Variants in PSD3 observed in about 807,000 individuals in gnomAD.
The protein encoded by PSD3 is pleckstrin and Sec7 domain containing 3.
Under a neutral mutation model 105.5 loss-of-function variants are expected in PSD3, and 49 were observed. The observed-to-expected ratio is 0.46, with a 90% CI of 0.37 to 0.59. The LOEUF is 0.59. Among genes scored for constraint, PSD3 ranks in the 20% least tolerant of loss-of-function variants. PSD3 has a pLI of 0.00. For synonymous variants in PSD3, 557 were observed against 457.8 expected, an observed-to-expected ratio of 1.22 and a Z score of -2.77; for missense variants, 1,561 against 1,263.8, an observed-to-expected ratio of 1.24 and a Z score of -3.57.
intron 2 of PSD3, among the ~76,000 whole-genome samples, chr8:18,905,847 T>C (rs2555619): frequency 0.6 from 91,954 of 152,004 alleles, 28,173 homozygotes; most frequent in African/African-American, 0.68. Context: ...TACCACTCCC[T>C]ATACTTACTA....
At chr8:18,635,506 G>A (rs1807187624) in intron 10 of PSD3, among the ~76,000 whole-genome samples, 1 of 151,988 alleles carries the variant, frequency 6.6e-6, no homozygotes, top group Non-Finnish European at 1.5e-5. Flanking sequence ...GCTTTTCAGT[G>A]TTAGAGTATC....
In PSD3 at chr8:18,804,908, T is replaced by C. The variant is rs759674374; in HGVS notation, c.1635-10A>G. 1.1e-5 allele frequency: 18 copies of C among 1,568,004 alleles called. No individual in the cohort carries two copies. The Admixed American group carries it at 3.0e-4, about 26-fold the overall frequency. On this transcript the variant is annotated splice_polypyrimidine_tract_variant and intron_variant, in intron 4 of 15. Transcript: ENST00000327040. ...TTTCACCCCAGCATTGCTATGATAA[T>C]TGATAAAGAGAGAAAATAATAGATT...
intron 12 of PSD3, among the ~76,000 whole-genome samples, chr8:18,589,318 G>C (rs919812040): frequency 1.3e-5 from 2 of 152,154 alleles, no homozygotes; most frequent in African/African-American, 2.4e-5. Flanking sequence ...TTTCTCCCTT[G>C]TCATGACCCT....
At position 18,999,285 on chromosome 8, in the gene PSD3, C is replaced by A. The variant is rs1826244284; in HGVS notation, c.21+14278G>T. The stretch of plus-strand genomic sequence containing the variant: ...CTCCAGGATGTCTCACAAGGTGACA[C>A]AAGTTACCCGGGAAGACATGCTGGC... On this transcript the variant is annotated intron_variant, in intron 1 of 15. Coordinates refer to ENST00000327040, the MANE Select transcript of PSD3 (RefSeq NM_015310.4). Among the ~76,000 whole-genome samples, 3 of 151,912 alleles carry A rather than the reference C, an allele frequency of 2.0e-5. No homozygotes were observed. In the South Asian group the frequency reaches 6.3e-4, roughly 32 times the overall value.
chr8:19,002,308 G>A (rs574423963), intron 1 of PSD3, among the ~76,000 whole-genome samples: 2 of 151,958 alleles, frequency 1.3e-5, no homozygotes, highest in East Asian at 3.9e-4. Context: ...GTGAGTTGCT[G>A]GTGTTCTAGG....
At chr8:18,809,286 G>T (rs1248357763) in intron 4 of PSD3, among the ~76,000 whole-genome samples, 1 of 152,132 alleles carries the variant, frequency 6.6e-6, no homozygotes, top group Non-Finnish European at 1.5e-5. Context: ...ACTTAAATGT[G>T]TAAGAGACTT....
intron 2 of PSD3, among the ~76,000 whole-genome samples, chr8:18,910,283 T>C (rs1338284657): frequency 2.1e-5 from 3 of 144,038 alleles, no homozygotes; most frequent in East Asian, 4.0e-4. Context: ...GTGGCACATA[T>C]ACACCATGGA....
chr8:18,540,334 GT>G (rs1308580616), intron 15 of PSD3, among the ~76,000 whole-genome samples: 1 of 152,080 alleles, frequency 6.6e-6, no homozygotes, highest in Non-Finnish European at 1.5e-5. Context: ...TGGGTGACTT[GT>G]TTTATTGTGA....
chr8:19,020,178 C>A (rs1827319348), intron 1 of PSD3, among the ~76,000 whole-genome samples: 1 of 152,060 alleles, frequency 6.6e-6, no homozygotes, highest in African/African-American at 2.4e-5. Flanking sequence ...CCTCATGGAG[C>A]TTGGGAAGAC....
chr8:18,978,634 G>C (rs1350084326), intron 1 of PSD3, among the ~76,000 whole-genome samples: 1 of 152,136 alleles, frequency 6.6e-6, no homozygotes, highest in African/African-American at 2.4e-5. Flanking sequence ...GCAGGAATGA[G>C]GAGGAGCCAG....
At chr8:18,998,751 T>C (rs1052056070) in intron 1 of PSD3, among the ~76,000 whole-genome samples, 1 of 151,978 alleles carries the variant, frequency 6.6e-6, no homozygotes, top group Admixed American at 6.6e-5. Flanking sequence ...CAGGTGAATG[T>C]AGCCAGGCTA....
At chr8:19,000,121 T>C (rs1173071620) in intron 1 of PSD3, 1 of 148,002 alleles carries the variant, frequency 6.8e-6, no homozygotes, top group Non-Finnish European at 1.5e-5. Flanking sequence ...CTTGGCACAG[T>C]GACTCACACC....
At chr8:18,676,899 C>T (rs186328056) in intron 9 of PSD3, among the ~76,000 whole-genome samples, 6 of 152,210 alleles carry the variant, frequency 3.9e-5, no homozygotes, top group Non-Finnish European at 7.3e-5. Context: ...GAAATCTGCT[C>T]GGCTCCATGT....
chr8:18,864,779 C>T (rs532257681), intron 4 of PSD3: 42 of 151,904 alleles, frequency 2.8e-4, no homozygotes, highest in African/African-American at 9.9e-4. Context: ...ACACTTGGGC[C>T]CTCAGTGCTT....
At chr8:18,732,823 T>G (rs559368093) in intron 9 of PSD3, 10 of 152,132 alleles carry the variant, frequency 6.6e-5, no homozygotes, top group Admixed American at 6.5e-4. Context: ...CTTCCTTTTT[T>G]TTTTATTTTT....
At chr8:18,638,439 G>C (rs1322398091) in intron 10 of PSD3, among the ~76,000 whole-genome samples, 4 of 151,702 alleles carry the variant, frequency 2.6e-5, no homozygotes, top group Admixed American at 6.6e-5. Flanking sequence ...AGTCAGTAAA[G>C]TTTTAGATTA....
intron 1 of PSD3, among the ~76,000 whole-genome samples, chr8:18,944,185 T>C (rs1173940657): frequency 6.6e-6 from 1 of 152,224 alleles, no homozygotes; most frequent in Non-Finnish European, 1.5e-5. Context: ...ACCCTATCAG[T>C]GGCACATGCT....
chr8:18,810,195 G>T (rs377357649), intron 4 of PSD3, among the ~76,000 whole-genome samples: 1 of 152,080 alleles, frequency 6.6e-6, no homozygotes, highest in Non-Finnish European at 1.5e-5. Flanking sequence ...AAATCTCATC[G>T]CTTTCACCTA....
intron 9 of PSD3, among the ~76,000 whole-genome samples, chr8:18,742,947 G>C (rs1804693672): frequency 6.6e-6 from 1 of 152,196 alleles, no homozygotes; most frequent in African/African-American, 2.4e-5. Flanking sequence ...TTAAGTGGCT[G>C]AGAGCACAGT....
Sources: allele counts gnomAD v4.1 joint callset (sites outside exome capture counted in the v4.1 genomes callset), GRCh38; gene constraint gnomAD v4.1.1; transcripts MANE v1.5; gene names NCBI Gene and HGNC (gene_info 2026-07-23, HGNC 2026-07-21).